The following SLC8A1 variants were observed in gnomAD, a reference collection of about 807,000 sequenced individuals.
SLC8A1 encodes sodium/calcium exchanger 1.
A neutral mutation model predicts 68.3 loss-of-function variants in SLC8A1; 18 were observed. The observed-to-expected ratio is 0.26, with a 90% CI of 0.18 to 0.39. The LOEUF (loss-of-function observed/expected upper bound fraction) is 0.39. Among genes scored for constraint, SLC8A1 ranks in the 10% least tolerant of loss-of-function variants. SLC8A1 has a pLI of 1.00. For synonymous variants in SLC8A1, 475 were observed against 415.5 expected, an observed-to-expected ratio of 1.14 and a Z score of -1.74; for missense variants, 985 against 1,156.7, an observed-to-expected ratio of 0.85 and a Z score of 2.15.
chr2:40,460,484 A>G (rs1703276203), intron 1 of SLC8A1, among the ~76,000 whole-genome samples: 1 of 152,196 alleles, frequency 6.6e-6, no homozygotes, highest in Non-Finnish European at 1.5e-5. Flanking sequence ...AGAGCCATGA[A>G]CTAAGTTCTG....
intron 7 of SLC8A1, among the ~76,000 whole-genome samples, chr2:40,119,015 C>G (rs988655586): frequency 3.3e-5 from 5 of 152,118 alleles, no homozygotes; most frequent in African/African-American, 9.7e-5. Flanking sequence ...ACTCCTGGGT[C>G]TGGGGACTCA....
intron 7 of SLC8A1, among the ~76,000 whole-genome samples, chr2:40,128,956 T>C (rs557491265): frequency 1.3e-5 from 2 of 152,308 alleles, no homozygotes; most frequent in African/African-American, 4.8e-5. Context: ...AGTCAGAAAG[T>C]ACATCAGTGG....
chr2:40,344,668 C>G (rs181904898), intron 2 of SLC8A1, among the ~76,000 whole-genome samples: 3 of 152,150 alleles, frequency 2.0e-5, no homozygotes, highest in African/African-American at 7.2e-5. Flanking sequence ...ATTCACAGAG[C>G]TTCAGGTCTC....
intron 2 of SLC8A1, among the ~76,000 whole-genome samples, chr2:40,335,257 G>T (rs1211254661): frequency 6.6e-6 from 1 of 152,142 alleles, no homozygotes; most frequent in Admixed American, 6.5e-5. Context: ...AAAGCAAATA[G>T]ATGTATGCCC....
At position 40,476,659 on chromosome 2, in the gene SLC8A1, C is replaced by A. The variant is rs115108676; in HGVS notation, c.-25+35690G>T. ...TTCCTGAGGTCAGAAGAAACTTGACCTATTTGCTTTAGAGGAAATAGTGGG... is the reference window on the plus strand; with the variant it reads ...TTCCTGAGGTCAGAAGAAACTTGACATATTTGCTTTAGAGGAAATAGTGGG... On this transcript the variant is annotated intron_variant, in intron 1 of 7. Transcript: ENST00000402441. Among the ~76,000 whole-genome samples the A allele has an allele frequency of 7.0e-3, 1,072 of 152,162 alleles. 15 individuals carry two copies. The highest frequency in any genetic ancestry group is 0.025 in the African/African-American group (1,023 of 41,490).
chr2:40,215,080 T>G (rs550217942), intron 2 of SLC8A1, among the ~76,000 whole-genome samples: 2 of 152,330 alleles, frequency 1.3e-5, no homozygotes, highest in East Asian at 3.9e-4. Context: ...ATTATATGTG[T>G]AATTTAATAG....
chr2:40,191,397 G>C (rs1176047801), intron 2 of SLC8A1, among the ~76,000 whole-genome samples: 2 of 152,074 alleles, frequency 1.3e-5, no homozygotes, highest in Non-Finnish European at 2.9e-5. Context: ...ACACTTTATA[G>C]GTAAGCATCA....
At chr2:40,210,570 G>T (rs12329007) in intron 2 of SLC8A1, among the ~76,000 whole-genome samples, 8 of 152,112 alleles carry the variant, frequency 5.3e-5, no homozygotes, top group African/African-American at 1.4e-4. Context: ...GAATTTTAAG[G>T]GGGGAGAAAG....
intron 2 of SLC8A1, among the ~76,000 whole-genome samples, chr2:40,313,590 A>G (rs560122720): frequency 2.0e-5 from 3 of 152,048 alleles, no homozygotes; most frequent in African/African-American, 7.2e-5. Flanking sequence ...TTTTAATGAG[A>G]CAGGTTCTTC....
chr2:40,447,433 A>G (rs1471143829), intron 1 of SLC8A1, among the ~76,000 whole-genome samples: 2 of 152,018 alleles, frequency 1.3e-5, no homozygotes, highest in South Asian at 2.1e-4. Context: ...ATTCCTGGGC[A>G]CTCACATCGC....
chr2:40,456,684 A>T (rs1559743546), upstream of SLC8A1, among the ~76,000 whole-genome samples: 1 of 152,236 alleles, frequency 6.6e-6, no homozygotes, highest in Non-Finnish European at 1.5e-5. Flanking sequence ...GATGCTTGGC[A>T]TAGTTCCTGA....
intron 2 of SLC8A1, among the ~76,000 whole-genome samples, chr2:40,358,487 A>T (rs1356241892): frequency 6.6e-6 from 1 of 152,232 alleles, no homozygotes; most frequent in Non-Finnish European, 1.5e-5. Flanking sequence ...TTGAAGCATC[A>T]AGGAAAGAAT....
intron 2 of SLC8A1, among the ~76,000 whole-genome samples, chr2:40,320,628 G>T (rs1315419773): frequency 1.3e-5 from 2 of 152,098 alleles, no homozygotes; most frequent in East Asian, 3.9e-4. Context: ...AATTCACTTT[G>T]ATGCGTGTCT....
intron 2 of SLC8A1, among the ~76,000 whole-genome samples, chr2:40,281,334 T>C (rs896057897): frequency 6.6e-6 from 1 of 152,156 alleles, no homozygotes; most frequent in Non-Finnish European, 1.5e-5. Context: ...CTGTTTTCCA[T>C]TTTACATAGT....
At chr2:40,112,393 A>G (rs1004018056) in exon 8 of SLC8A1, 2 of 150,156 alleles carry the variant, frequency 1.3e-5, no homozygotes, top group African/African-American at 4.9e-5. Flanking sequence ...TTACACAACT[A>G]TAATAATAAC....
intron 2 of SLC8A1, among the ~76,000 whole-genome samples, chr2:40,358,901 G>A (rs1179969493): frequency 2.0e-5 from 3 of 152,202 alleles, no homozygotes; most frequent in Non-Finnish European, 2.9e-5. Context: ...CAAAAACAGG[G>A]ATGTAGGAAG....
chr2:40,183,716 CA>C (rs1322266104), intron 2 of SLC8A1, among the ~76,000 whole-genome samples: 1 of 152,102 alleles, frequency 6.6e-6, no homozygotes, highest in Non-Finnish European at 1.5e-5. Context: ...GATGATAAAC[CA>C]ATAGGCTGGT....
Position 40,365,347 on chromosome 2 carries a change from T to C in SLC8A1, c.1808+63126A>G, listed in dbSNP as rs566172153. ...TTATTGTGCATTTGCTTCAGGGCTATATCTTTACACATCCAAACATCTAAA... is the reference window on the plus strand; with the variant it reads ...TTATTGTGCATTTGCTTCAGGGCTACATCTTTACACATCCAAACATCTAAA... On this transcript the variant is annotated intron_variant, in intron 2 of 7. Transcript: ENST00000406785. 1.1e-4 allele frequency among the ~76,000 whole-genome samples: 17 copies of C among 152,290 alleles called. No homozygotes were observed. The South Asian group carries it at 2.7e-3, about 24-fold the overall frequency.
chr2:40,203,478 T>C (rs2054795581), intron 2 of SLC8A1, among the ~76,000 whole-genome samples: 1 of 151,988 alleles, frequency 6.6e-6, no homozygotes, highest in Admixed American at 6.6e-5. Context: ...CATAAACTAC[T>C]CCCAAATCAT....
Sources: gnomAD v4.1 joint callset for allele counts (sites outside exome capture counted in the v4.1 genomes callset) on GRCh38, gnomAD v4.1.1 for gene constraint, MANE v1.5 for transcripts, NCBI Gene and HGNC (gene_info 2026-07-23, HGNC 2026-07-21) for gene names.